Variants in PPFIA2 observed in about 807,000 individuals in gnomAD.
The protein encoded by PPFIA2 is PPFI scaffold protein A2.
A neutral mutation model predicts 175.5 loss-of-function variants in PPFIA2; 46 were observed. That is an observed-to-expected ratio of 0.26 (90% CI 0.21 to 0.34). The LOEUF (loss-of-function observed/expected upper bound fraction) is 0.34. Among genes scored for constraint, PPFIA2 ranks in the 10% least tolerant of loss-of-function variants. The pLI, the probability that PPFIA2 is intolerant of heterozygous loss-of-function variation, is 1.00. For synonymous variants in PPFIA2, 568 were observed against 511.4 expected (o/e 1.11, Z -1.49); for missense variants, 1,179 against 1,506.1 (o/e 0.78, Z 3.60).
Position 81,312,290 on chromosome 12 carries a change from C to T in PPFIA2, c.2643-12908G>A, listed in dbSNP as rs573831797. On this transcript the variant is annotated intron_variant, in intron 22 of 32. Coordinates refer to ENST00000549396, the MANE Select transcript of PPFIA2 (RefSeq NM_003625.5). ...GCATTATTTAAGATGTGAGAAAGCT[C>T]AGGTATGAGAAAGACATGGTGCCAT... 1.9e-4 allele frequency: 188 copies of T among 975,328 alleles called. No individual in the cohort carries two copies. In the African/African-American group the frequency reaches 2.8e-3, roughly 14 times the overall value. The allele number at this position is 975,328 out of a possible 1,614,324, so 60.4% of individuals were successfully genotyped here.
At chr12:81,516,998 T>C (rs1007606095) in intron 4 of PPFIA2, among the ~76,000 whole-genome samples, 7 of 151,924 alleles carry the variant, frequency 4.6e-5, no homozygotes, top group African/African-American at 1.5e-4. Context: ...AAGAGGAAAA[T>C]ATGTTTAATG....
At chr12:81,660,535 T>C (rs1667706066) in intron 4 of PPFIA2, among the ~76,000 whole-genome samples, 1 of 152,052 alleles carries the variant, frequency 6.6e-6, no homozygotes, top group Admixed American at 6.6e-5. Context: ...CTCCAAGAAA[T>C]ATGGGACTAT....
In PPFIA2 at chr12:81,572,266, C is replaced by A. The variant is rs139757067; in HGVS notation, c.303+104525G>T. On this transcript the variant is annotated intron_variant, in intron 4 of 32. Coordinates refer to ENST00000549396, the MANE Select transcript of PPFIA2 (RefSeq NM_003625.5). ...TGTCCTCATCTCCTTCAGGTCTCAA[C>A]TCAAAAGTCAAGTTCTCAGTAAGCC... Among the ~76,000 whole-genome samples the A allele has an allele frequency of 6.6e-5, 10 of 152,058 alleles. No homozygotes were observed. The East Asian group carries it at 1.9e-3, about 30-fold the overall frequency.
At chr12:81,456,210 G>T (rs1317919595) in intron 5 of PPFIA2, among the ~76,000 whole-genome samples, 1 of 152,158 alleles carries the variant, frequency 6.6e-6, no homozygotes, top group East Asian at 1.9e-4. Context: ...CGAAAACACA[G>T]TGTTAAGTTA....
At chr12:81,578,536 ATTTTT>A (rs2073949834) in intron 4 of PPFIA2, among the ~76,000 whole-genome samples, 1 of 151,782 alleles carries the variant, frequency 6.6e-6, no homozygotes, top group South Asian at 2.1e-4. Flanking sequence ...AGTTTATTTT[ATTTTT>A]ATTTAAAAAG....
chr12:81,362,885 T>C, intron 14 of PPFIA2, 101 bp from the exon 15 acceptor site: 1 of 687,176 alleles, frequency 1.5e-6, no homozygotes. Flanking sequence ...AAACTGAGGA[T>C]ATATTTTTAT....
chr12:81,693,938 A>T (rs1301276145), intron 3 of PPFIA2, among the ~76,000 whole-genome samples: 2 of 152,056 alleles, frequency 1.3e-5, no homozygotes, highest in South Asian at 2.1e-4. Flanking sequence ...TAAACTAAAG[A>T]GTGATGATTA....
At chr12:81,701,396 C>G (rs1050915150) in intron 3 of PPFIA2, among the ~76,000 whole-genome samples, 1 of 152,060 alleles carries the variant, frequency 6.6e-6, no homozygotes, top group African/African-American at 2.4e-5. Context: ...CTTGAAGAAA[C>G]CACACAATGT....
chr12:81,489,319 T>A (rs2059178524), intron 4 of PPFIA2, among the ~76,000 whole-genome samples: 1 of 151,804 alleles, frequency 6.6e-6, no homozygotes, highest in Non-Finnish European at 1.5e-5. Context: ...AGATCATTAT[T>A]TTTTAAGTAT....
intron 4 of PPFIA2, among the ~76,000 whole-genome samples, chr12:81,501,405 A>T (rs2060580886): frequency 6.6e-6 from 1 of 152,104 alleles, no homozygotes; most frequent in Admixed American, 6.6e-5. Context: ...TAATCAGAAC[A>T]TGTATCACTA....
At chr12:81,538,133 T>A (rs1237301205) in intron 4 of PPFIA2, among the ~76,000 whole-genome samples, 1 of 151,914 alleles carries the variant, frequency 6.6e-6, no homozygotes, top group Non-Finnish European at 1.5e-5. Context: ...TATATCCCAA[T>A]GAACTTGTTT....
chr12:81,495,869 C>A (rs758371414), intron 4 of PPFIA2, among the ~76,000 whole-genome samples: 33 of 151,982 alleles, frequency 2.2e-4, no homozygotes, highest in Non-Finnish European at 3.5e-4. Context: ...TTAAAATGTT[C>A]TTTTGTGTTT....
At chr12:81,364,460 T>C (rs1262077347) in intron 14 of PPFIA2, among the ~76,000 whole-genome samples, 2 of 151,854 alleles carry the variant, frequency 1.3e-5, no homozygotes, top group African/African-American at 2.4e-5. Context: ...CACAGTTCAT[T>C]GCAGTCTTGA....
At chr12:81,540,972 G>T (rs894773108) in intron 4 of PPFIA2, among the ~76,000 whole-genome samples, 4 of 151,944 alleles carry the variant, frequency 2.6e-5, no homozygotes, top group East Asian at 1.9e-4. Context: ...TTCCCCAGGG[G>T]TGCCTGCTAT....
In PPFIA2 at chr12:81,720,597, C is replaced by T. The variant is rs2079187120; in HGVS notation, c.249+33376G>A. On this transcript the variant is annotated intron_variant, in intron 3 of 32. Coordinates refer to ENST00000549396, the MANE Select transcript of PPFIA2 (RefSeq NM_003625.5). Reference sequence around the variant, plus strand: ...GCACCCTTCTAGCCAAGGTATGGCCCTGTGACTCAAATTAGGCTGCCTCAA... The same window carrying T: ...GCACCCTTCTAGCCAAGGTATGGCCTTGTGACTCAAATTAGGCTGCCTCAA... 3.3e-5 allele frequency among the ~76,000 whole-genome samples: 5 copies of T among 151,310 alleles called. No individual in the cohort carries two copies. In the South Asian group the frequency reaches 1.0e-3, roughly 31 times the overall value.
chr12:81,344,860 G>A, intron 18 of PPFIA2, 167 bp from the exon 19 acceptor site: 1 of 519,900 alleles, frequency 1.9e-6, no homozygotes, highest in Non-Finnish European at 3.4e-6. Context: ...CACTCCGCCT[G>A]GTAGTTAAAT....
At chr12:81,450,102 G>A (rs1304406702) in intron 5 of PPFIA2, among the ~76,000 whole-genome samples, 1 of 152,150 alleles carries the variant, frequency 6.6e-6, no homozygotes, top group Non-Finnish European at 1.5e-5. Flanking sequence ...ATAAACATAA[G>A]TGTGCATGTG....
At chr12:81,535,430 A>G (rs1278842398) in intron 4 of PPFIA2, 1 of 455,530 alleles carries the variant, frequency 2.2e-6, no homozygotes, top group South Asian at 1.6e-5. Context: ...ACCATATCTC[A>G]GTGGACACTA....
At chr12:81,475,714 T>C (rs1358188639) in intron 4 of PPFIA2, among the ~76,000 whole-genome samples, 1 of 152,174 alleles carries the variant, frequency 6.6e-6, no homozygotes, top group Non-Finnish European at 1.5e-5. Flanking sequence ...CTGATCTTTT[T>C]GTTATTGTTG....
Sources: gnomAD v4.1 joint callset for allele counts (sites outside exome capture counted in the v4.1 genomes callset) on GRCh38, gnomAD v4.1.1 for gene constraint, MANE v1.5 for transcripts, NCBI Gene and HGNC (gene_info 2026-07-23, HGNC 2026-07-21) for gene names.